Variants in CCDC171 observed in about 807,000 individuals in gnomAD.
The protein encoded by CCDC171 is coiled-coil domain-containing protein 171.
In CCDC171, 177 loss-of-function variants were observed where a neutral mutation model predicts 168.2. The observed-to-expected ratio is 1.05, with a 90% CI of 0.93 to 1.19. CCDC171 has a LOEUF of 1.19. Among genes scored for constraint, CCDC171 ranks in the 50% most tolerant of loss-of-function variants. The pLI, the probability that CCDC171 is intolerant of heterozygous loss-of-function variation, is 0.00. For missense variants in CCDC171, 1,991 were observed against 1,539.0 expected, an observed-to-expected ratio of 1.29 and a Z score of -4.91; for synonymous variants, 687 against 540.8, an observed-to-expected ratio of 1.27 and a Z score of -3.75.
intron 21 of CCDC171, among the ~76,000 whole-genome samples, chr9:15,801,915 G>A (rs1196251664): frequency 2.6e-5 from 4 of 151,922 alleles, no homozygotes; most frequent in African/African-American, 4.8e-5. Flanking sequence ...TTTATATGAT[G>A]TATCACATTT....
rs185158272 is a variant in CCDC171, at chr9:15,625,388, C to G, written c.822+1975C>G. Among the ~76,000 whole-genome samples the G allele has an allele frequency of 7.0e-3, 1,065 of 152,148 alleles. 9 individuals are homozygous for G. Among genetic ancestry groups the G allele is most frequent in the African/African-American group, 0.024 (1,005 of 41,514 alleles). Reference sequence around the variant, plus strand: ...TTGGTGTTTTAGTTATGAAGTCCTTCCCCATGCCTATGTCCTGAATGGTAT... The same window carrying G: ...TTGGTGTTTTAGTTATGAAGTCCTTGCCCATGCCTATGTCCTGAATGGTAT... On this transcript the variant is annotated intron_variant, in intron 7 of 25. Coordinates refer to ENST00000380701, the MANE Select transcript of CCDC171 (RefSeq NM_173550.4).
At chr9:15,778,228 C>A (rs1178618921) in intron 19 of CCDC171, among the ~76,000 whole-genome samples, 1 of 137,526 alleles carries the variant, frequency 7.3e-6, no homozygotes, top group Admixed American at 8.2e-5. Context: ...ACCCGGGAAG[C>A]GGAGCTTGCA....
At chr9:15,892,548 A>G (rs1001778149) in intron 24 of CCDC171, among the ~76,000 whole-genome samples, 1 of 152,124 alleles carries the variant, frequency 6.6e-6, no homozygotes, top group African/African-American at 2.4e-5. Context: ...CATCCTGGGG[A>G]TGAAGCCAAC....
chr9:15,685,835 G>A (rs2050355384), intron 10 of CCDC171, among the ~76,000 whole-genome samples: 1 of 152,084 alleles, frequency 6.6e-6, no homozygotes, highest in African/African-American at 2.4e-5. Flanking sequence ...TATATTATTT[G>A]TAAGACTATT....
chr9:16,104,972 G>A, the CCDC171 span, among the ~76,000 whole-genome samples: 1 of 152,180 alleles, frequency 6.6e-6, no homozygotes, highest in African/African-American at 2.4e-5. Context: ...TAGGAGTGAA[G>A]TATTAAGTGG....
intron 3 of CCDC171, among the ~76,000 whole-genome samples, chr9:15,576,150 T>C (rs1391703919): frequency 6.6e-6 from 1 of 151,354 alleles, no homozygotes; most frequent in African/African-American, 2.4e-5. Flanking sequence ...TGTGTGTGTG[T>C]GTGTGTGTGT....
At chr9:15,956,540 A>T (rs529785865) in intron 25 of CCDC171, among the ~76,000 whole-genome samples, 1 of 152,304 alleles carries the variant, frequency 6.6e-6, no homozygotes, top group Admixed American at 6.5e-5. Context: ...TTTATATAAC[A>T]TTGATTTTTA....
At chr9:15,802,583 G>T (rs2058878794) in intron 21 of CCDC171, among the ~76,000 whole-genome samples, 1 of 152,126 alleles carries the variant, frequency 6.6e-6, no homozygotes, top group South Asian at 2.1e-4. Context: ...CAAAGGATAT[G>T]ATCCCATTCC....
At chr9:15,900,177 G>C (rs1821427600) in intron 24 of CCDC171, among the ~76,000 whole-genome samples, 2 of 152,162 alleles carry the variant, frequency 1.3e-5, no homozygotes, top group South Asian at 4.1e-4. Context: ...CCTGTGATTA[G>C]GTTACTCATC....
chr9:15,676,202 G>A (rs1194187266), intron 9 of CCDC171, among the ~76,000 whole-genome samples: 1 of 151,982 alleles, frequency 6.6e-6, no homozygotes, highest in East Asian at 1.9e-4. Flanking sequence ...CGAAATTCTC[G>A]TGCTGTGTTT....
At chr9:15,766,510 G>A (rs1451459136) in intron 18 of CCDC171, among the ~76,000 whole-genome samples, 1 of 151,988 alleles carries the variant, frequency 6.6e-6, no homozygotes, top group Admixed American at 6.5e-5. Context: ...GAAGGGCAAT[G>A]GAAATATGAG....
chr9:16,084,752 G>A, the CCDC171 span, among the ~76,000 whole-genome samples: 5,695 of 152,232 alleles, frequency 0.037, 169 homozygotes, highest in Non-Finnish European at 0.052. Context: ...ATCCAGGCAG[G>A]GTTTTGGGTG....
intron 2 of CCDC171, 42 bp from the exon 3 acceptor site, chr9:15,571,582 T>C: frequency 2.1e-6 from 3 of 1,445,528 alleles, no homozygotes; most frequent in Non-Finnish European, 2.8e-6. Flanking sequence ...GAAATGTGCT[T>C]TATGAGAAGC....
chr9:15,922,161 T>A (rs1350772082), intron 25 of CCDC171: 1 of 412,598 alleles, frequency 2.4e-6, no homozygotes, highest in South Asian at 1.8e-5. Flanking sequence ...GTAGTGATTC[T>A]TCATCTATAG....
intron 7 of CCDC171, among the ~76,000 whole-genome samples, chr9:15,626,594 C>G (rs544683901): frequency 3.5e-4 from 54 of 152,238 alleles, no homozygotes; most frequent in Admixed American, 1.4e-3. Flanking sequence ...GTCTTTGGGT[C>G]TGTTTATATG....
upstream of CCDC171, among the ~76,000 whole-genome samples, chr9:16,040,643 T>TCCGAG (rs1344048260): frequency 6.6e-6 from 1 of 152,252 alleles, no homozygotes; most frequent in Non-Finnish European, 1.5e-5. Flanking sequence ...GAGGGTTAAA[T>TCCGAG]CATAGAGTGT....
chr9:15,662,232 G>A (rs549612174), intron 8 of CCDC171, among the ~76,000 whole-genome samples: 4 of 152,268 alleles, frequency 2.6e-5, no homozygotes, highest in Admixed American at 1.3e-4. Context: ...AGCCGAGATC[G>A]TGCCACTGCA....
At chr9:15,781,764 A>G (rs1019637080) in intron 20 of CCDC171, among the ~76,000 whole-genome samples, 1 of 152,176 alleles carries the variant, frequency 6.6e-6, no homozygotes, top group Non-Finnish European at 1.5e-5. Context: ...GAAGTACGTG[A>G]CGATTTCTAA....
intron 21 of CCDC171, among the ~76,000 whole-genome samples, chr9:15,792,376 G>A (rs1456933325): frequency 1.3e-5 from 2 of 152,166 alleles, no homozygotes; most frequent in Non-Finnish European, 2.9e-5. Flanking sequence ...CGGGGAGAAT[G>A]GAACCAAGTT....
Sources: gnomAD v4.1 joint callset for allele counts (sites outside exome capture counted in the v4.1 genomes callset) on GRCh38, gnomAD v4.1.1 for gene constraint, MANE v1.5 for transcripts, NCBI Gene and HGNC (gene_info 2026-07-23, HGNC 2026-07-21) for gene names.